NRXN3: variants seen among roughly 807,000 people sequenced by gnomAD.
NRXN3 encodes neurexin 3.
In NRXN3, 32 loss-of-function variants were observed where a neutral mutation model predicts 137.6. That is an observed-to-expected ratio of 0.23 (90% CI 0.18 to 0.31). NRXN3 has a LOEUF of 0.31. Among genes scored for constraint, NRXN3 ranks in the 10% least tolerant of loss-of-function variants. NRXN3 has a pLI of 1.00. For missense variants in NRXN3, 1,574 were observed against 2,062.5 expected, an observed-to-expected ratio of 0.76 and a Z score of 4.59; for synonymous variants, 798 against 784.5, an observed-to-expected ratio of 1.02 and a Z score of -0.29.
intron 1 of NRXN3, among the ~76,000 whole-genome samples, chr14:78,239,592 A>G (rs539607482): frequency 6.6e-6 from 1 of 152,336 alleles, no homozygotes; most frequent in South Asian, 2.1e-4. Context: ...TTCTTCAAGT[A>G]TACCAGCTTG....
At chr14:79,231,582 G>T (rs1447887054) in intron 15 of NRXN3, among the ~76,000 whole-genome samples, 1 of 152,124 alleles carries the variant, frequency 6.6e-6, no homozygotes, top group African/African-American at 2.4e-5. Context: ...AGGCATACTT[G>T]CCTCAGACTT....
At chr14:79,623,843 G>C (rs1045590480) in intron 16 of NRXN3, among the ~76,000 whole-genome samples, 1 of 132,478 alleles carries the variant, frequency 7.5e-6, no homozygotes, top group Non-Finnish European at 1.5e-5. Context: ...TGAGTCCTTA[G>C]CTCCTGTTTT....
chr14:78,392,116 G>A (rs572724345), intron 4 of NRXN3, among the ~76,000 whole-genome samples: 3 of 152,294 alleles, frequency 2.0e-5, no homozygotes, highest in East Asian at 1.9e-4. Context: ...AAGAGCTACC[G>A]ATGAGAAATG....
At chr14:78,998,236 T>A (rs1486863243) in intron 15 of NRXN3, among the ~76,000 whole-genome samples, 1 of 152,190 alleles carries the variant, frequency 6.6e-6, no homozygotes, top group African/African-American at 2.4e-5. Context: ...GGTTGAAAAT[T>A]GATGCCAACC....
chr14:79,326,487 C>T lies in NRXN3; in HGVS notation c.3263-140734C>T, dbSNP rs532713480. Among the ~76,000 whole-genome samples the T allele has an allele frequency of 5.3e-5, 8 of 152,244 alleles. No individual in the cohort carries two copies. In the South Asian group the frequency reaches 1.7e-3, roughly 32 times the overall value. ...GACATCTCACCGCAAGGACTTTTCT[C>T]CTTATGCTGTGTCATTCTATCTCCC... On this transcript the variant is annotated intron_variant, in intron 15 of 20. Transcript: ENST00000335750.
At chr14:79,359,819 T>G (rs2153414375) in intron 15 of NRXN3, among the ~76,000 whole-genome samples, 1 of 152,196 alleles carries the variant, frequency 6.6e-6, no homozygotes, top group South Asian at 2.1e-4. Flanking sequence ...TGCAAGCCAG[T>G]TACTTAAAAA....
intron 16 of NRXN3, among the ~76,000 whole-genome samples, chr14:79,518,785 A>G (rs1431512374): frequency 2.0e-5 from 3 of 152,170 alleles, no homozygotes; most frequent in Admixed American, 1.3e-4. Flanking sequence ...GACTTTAGTA[A>G]GAGTGATTCT....
chr14:78,778,144 C>A (rs1402611102), intron 8 of NRXN3, among the ~76,000 whole-genome samples: 2 of 152,168 alleles, frequency 1.3e-5, no homozygotes, highest in East Asian at 1.9e-4. Context: ...AAGCTCAGTA[C>A]TTTAAGATGT....
intron 15 of NRXN3, among the ~76,000 whole-genome samples, chr14:79,107,143 G>C (rs2052597590): frequency 6.6e-6 from 1 of 152,058 alleles, no homozygotes; most frequent in Non-Finnish European, 1.5e-5. Context: ...TATTCTGCTG[G>C]ACCTAAGAGC....
At chr14:79,726,788 A>T (rs572724185) in intron 19 of NRXN3, among the ~76,000 whole-genome samples, 1 of 152,254 alleles carries the variant, frequency 6.6e-6, no homozygotes, top group Non-Finnish European at 1.5e-5. Flanking sequence ...AAATATGATA[A>T]ACTACATTTT....
chr14:79,573,968 T>C (rs2097639919), intron 16 of NRXN3, among the ~76,000 whole-genome samples: 1 of 152,066 alleles, frequency 6.6e-6, no homozygotes, highest in South Asian at 2.1e-4. Flanking sequence ...TACCATGAAG[T>C]GTATGGGCAA....
At chr14:79,137,092 A>T (rs966686391) in intron 15 of NRXN3, among the ~76,000 whole-genome samples, 5 of 152,172 alleles carry the variant, frequency 3.3e-5, no homozygotes, top group African/African-American at 1.2e-4. Flanking sequence ...AAGAAATAAG[A>T]TTCTTTTGTT....
At position 79,863,017 on chromosome 14, in the gene NRXN3, T is replaced by TA. The variant is rs1490968565; in HGVS notation, c.*1059dup. On this transcript the variant is annotated 3_prime_UTR_variant, in exon 21 of 21. Coordinates refer to ENST00000335750, the MANE Select transcript of NRXN3 (RefSeq NM_001330195.2). ...TGTGACTGATTGAAATGCATGCAAA[T>TA]AAAAAAGACAATATTAAAGTCTGTT... The TA allele has an allele frequency of 7.9e-4, 121 of 152,452 alleles. No homozygotes were observed. Among genetic ancestry groups the TA allele is most frequent in the Non-Finnish European group, 2.5e-4 (17 of 67,976 alleles). The allele number at this position is 152,452 out of a possible 1,614,324, so 9.4% of individuals were successfully genotyped here.
At chr14:78,301,789 C>T (rs539271574) in intron 4 of NRXN3, among the ~76,000 whole-genome samples, 2 of 152,286 alleles carry the variant, frequency 1.3e-5, no homozygotes, top group African/African-American at 4.8e-5. Flanking sequence ...GAGTTTTATG[C>T]TTTTCTGGGT....
intron 6 of NRXN3, among the ~76,000 whole-genome samples, chr14:78,708,323 C>A (rs1259895561): frequency 1.3e-5 from 2 of 152,180 alleles, no homozygotes; most frequent in Non-Finnish European, 2.9e-5. Context: ...GTTCAGTATT[C>A]TTTGTAAAAT....
chr14:79,183,432 T>C (rs2063165287), intron 15 of NRXN3, among the ~76,000 whole-genome samples: 1 of 152,210 alleles, frequency 6.6e-6, no homozygotes, highest in South Asian at 2.1e-4. Context: ...TGTAAGATGG[T>C]TGAAAAGAAG....
intron 16 of NRXN3, among the ~76,000 whole-genome samples, chr14:79,582,332 G>T (rs2097724230): frequency 6.6e-6 from 1 of 152,154 alleles, no homozygotes; most frequent in South Asian, 2.1e-4. Flanking sequence ...CACTCAGCTG[G>T]TAACTTTTAG....
intron 15 of NRXN3, among the ~76,000 whole-genome samples, chr14:79,085,261 T>G (rs1462342492): frequency 6.6e-6 from 1 of 152,240 alleles, no homozygotes; most frequent in Non-Finnish European, 1.5e-5. Context: ...GGTTACCTAC[T>G]GTTAAATAGT....
At chr14:79,751,373 G>C (rs1163810165) in intron 19 of NRXN3, among the ~76,000 whole-genome samples, 82 of 151,884 alleles carry the variant, frequency 5.4e-4, no homozygotes, top group African/African-American at 1.9e-3. Context: ...CTCTCTGTTT[G>C]TCTGTTGTTG....
Sources: gnomAD v4.1 joint callset for allele counts (sites outside exome capture counted in the v4.1 genomes callset) on GRCh38, gnomAD v4.1.1 for gene constraint, MANE v1.5 for transcripts, NCBI Gene and HGNC (gene_info 2026-07-23, HGNC 2026-07-21) for gene names.